Variants in BNC2 observed in about 807,000 individuals in gnomAD.
The protein encoded by BNC2 is basonuclin zinc finger protein 2, also known as zinc finger protein basonuclin-2.
Under a neutral mutation model 76.3 loss-of-function variants are expected in BNC2, and 20 were observed. That is an observed-to-expected ratio of 0.26 (90% CI 0.18 to 0.38). The LOEUF (loss-of-function observed/expected upper bound fraction) is 0.38, where lower values mean the gene tolerates loss of function less well. Among genes scored for constraint, BNC2 ranks in the 10% least tolerant of loss-of-function variants. BNC2 has a pLI of 1.00. For synonymous variants in BNC2, 582 were observed against 514.8 expected (o/e 1.13, Z -1.77); for missense variants, 1,382 against 1,399.8 (o/e 0.99, Z 0.20).
At chr9:16,861,411 G>A (rs1563975538) in intron 1 of BNC2, among the ~76,000 whole-genome samples, 1 of 151,898 alleles carries the variant, frequency 6.6e-6, no homozygotes, top group African/African-American at 2.4e-5. Context: ...TAAAGTATTT[G>A]CAAACCTTGT....
At chr9:16,832,376 T>C in intron 1 of BNC2, 1 of 1,170,940 alleles carries the variant, frequency 8.5e-7, no homozygotes, top group Non-Finnish European at 1.1e-6. Flanking sequence ...GAGAACACAA[T>C]ATGTTTTGCC....
intron 3 of BNC2, among the ~76,000 whole-genome samples, chr9:16,585,476 G>A (rs1200383966): frequency 6.6e-6 from 1 of 152,028 alleles, no homozygotes; most frequent in African/African-American, 2.4e-5. Flanking sequence ...ATTCCAGAAG[G>A]TCTATTTGTT....
At chr9:16,695,535 C>CTTTTTT (rs35589107) in intron 3 of BNC2, among the ~76,000 whole-genome samples, 2 of 127,040 alleles carry the variant, frequency 1.6e-5, no homozygotes, top group African/African-American at 2.8e-5. Context: ...CTTTTTCTTT[C>CTTTTTT]TTTTTTTTTT....
intron 4 of BNC2, among the ~76,000 whole-genome samples, chr9:16,561,925 G>A (rs1819029126): frequency 1.3e-5 from 2 of 152,036 alleles, no homozygotes; most frequent in South Asian, 4.2e-4. Context: ...GATCACTTGA[G>A]CCCACGGAGG....
At chr9:16,822,953 A>G (rs1179808569) in intron 1 of BNC2, among the ~76,000 whole-genome samples, 1 of 152,194 alleles carries the variant, frequency 6.6e-6, no homozygotes, top group Non-Finnish European at 1.5e-5. Context: ...TGCCCCCTTC[A>G]AATTACTGTA....
chr9:16,804,960 G>T (rs1305122757), intron 1 of BNC2, among the ~76,000 whole-genome samples: 1 of 152,106 alleles, frequency 6.6e-6, no homozygotes, highest in East Asian at 1.9e-4. Context: ...TACTCGGGAG[G>T]CTGAGGTGGG....
chr9:16,816,951 A>G (rs962857152), intron 1 of BNC2, among the ~76,000 whole-genome samples: 2 of 152,212 alleles, frequency 1.3e-5, no homozygotes, highest in Admixed American at 1.3e-4. Flanking sequence ...CAAAGTTTAG[A>G]AGGACTTTTG....
chr9:16,542,411 G>C (rs547235076), intron 5 of BNC2, among the ~76,000 whole-genome samples: 1 of 152,144 alleles, frequency 6.6e-6, no homozygotes, highest in Non-Finnish European at 1.5e-5. Flanking sequence ...AGGGGACAGG[G>C]AGAGAGGAAA....
At chr9:16,781,689 T>C (rs1486605218) in intron 1 of BNC2, among the ~76,000 whole-genome samples, 1 of 152,182 alleles carries the variant, frequency 6.6e-6, no homozygotes, top group African/African-American at 2.4e-5. Flanking sequence ...AACAAGAAGT[T>C]AGAAACAATC....
Position 16,850,809 on chromosome 9 carries a change from TA to T in BNC2, c.3+19836del, listed in dbSNP as rs60704340. ...GGAGACTCTGCTTCTAAAAAGTAAA[TA>T]AAAAAAAAAATCAAAAATAGAATTA... On this transcript the variant is annotated intron_variant, in intron 1 of 6. Transcript: ENST00000380672. 4.9e-4 allele frequency among the ~76,000 whole-genome samples: 73 copies of T among 148,598 alleles called. No homozygotes were observed. In the East Asian group the frequency reaches 0.01, roughly 20 times the overall value.
intron 3 of BNC2, among the ~76,000 whole-genome samples, chr9:16,712,216 C>G (rs1026589531): frequency 6.6e-6 from 1 of 152,110 alleles, no homozygotes; most frequent in African/African-American, 2.4e-5. Flanking sequence ...ATTAATTGTT[C>G]TTCTATAATT....
intron 3 of BNC2, among the ~76,000 whole-genome samples, chr9:16,689,669 G>C (rs930078831): frequency 3.3e-5 from 5 of 151,788 alleles, no homozygotes; most frequent in African/African-American, 1.2e-4. Context: ...GAGGGAGAGA[G>C]ATAAACAGAA....
chr9:16,738,253 G>T, intron 2 of BNC2, 107 bp downstream of exon 2: 2 of 1,271,976 alleles, frequency 1.6e-6, no homozygotes, highest in Non-Finnish European at 2.3e-6. Flanking sequence ...ATGAAAGACA[G>T]TAAAAGAGTG....
intron 3 of BNC2, among the ~76,000 whole-genome samples, chr9:16,726,224 GA>G (rs1824314153): frequency 6.6e-6 from 1 of 152,184 alleles, no homozygotes; most frequent in Non-Finnish European, 1.5e-5. Context: ...TCACTTGAAA[GA>G]ATGGGAAATT....
At chr9:16,785,146 A>G (rs531134781) in intron 1 of BNC2, among the ~76,000 whole-genome samples, 1 of 152,342 alleles carries the variant, frequency 6.6e-6, no homozygotes, top group East Asian at 1.9e-4. Flanking sequence ...ACCTGTGCTG[A>G]ACCCAACTAC....
At chr9:16,554,268 T>C (rs1818754176) in intron 4 of BNC2, among the ~76,000 whole-genome samples, 1 of 152,228 alleles carries the variant, frequency 6.6e-6, no homozygotes, top group African/African-American at 2.4e-5. Flanking sequence ...ACAGATTTTT[T>C]AGTATTTCAT....
chr9:16,431,972 T>C (rs1820918040), intron 6 of BNC2, among the ~76,000 whole-genome samples: 1 of 152,196 alleles, frequency 6.6e-6, no homozygotes, highest in Admixed American at 6.5e-5. Flanking sequence ...TAACAGGCCA[T>C]GGACCAGTAC....
intron 5 of BNC2, among the ~76,000 whole-genome samples, chr9:16,520,780 T>C (rs1342691544): frequency 6.6e-6 from 1 of 152,226 alleles, no homozygotes; most frequent in Non-Finnish European, 1.5e-5. Context: ...GGCATATATG[T>C]TGTGTTACTA....
At chr9:16,449,059 A>G (rs1821286058) in intron 5 of BNC2, among the ~76,000 whole-genome samples, 1 of 152,196 alleles carries the variant, frequency 6.6e-6, no homozygotes, top group African/African-American at 2.4e-5. Flanking sequence ...AATACAGAAT[A>G]ATCAGAGTAA....
Sources: allele counts gnomAD v4.1 joint callset (sites outside exome capture counted in the v4.1 genomes callset), GRCh38; gene constraint gnomAD v4.1.1; transcripts MANE v1.5; gene names NCBI Gene and HGNC (gene_info 2026-07-23, HGNC 2026-07-21).